The following RAPH1 variants were observed in gnomAD, a reference collection of about 807,000 sequenced individuals.
The protein encoded by RAPH1 is Ras association (RalGDS/AF-6) and pleckstrin homology domains 1, also known as ras-associated and pleckstrin homology domains-containing protein 1.
A neutral mutation model predicts 88.1 loss-of-function variants in RAPH1; 18 were observed. The ratio of observed to expected loss-of-function variants is 0.20; its 90% confidence interval spans 0.14 to 0.30. RAPH1 has a LOEUF of 0.30. Among genes scored for constraint, RAPH1 ranks in the 10% least tolerant of loss-of-function variants. RAPH1 has a pLI of 1.00. For synonymous variants in RAPH1, 587 were observed against 559.0 expected, an observed-to-expected ratio of 1.05 and a Z score of -0.71; for missense variants, 1,448 against 1,543.2, an observed-to-expected ratio of 0.94 and a Z score of 1.03.
At position 203,434,125 on chromosome 2, in the gene RAPH1, C is replaced by T. The variant is rs2098496259; in HGVS notation, c.*5312G>A. 2 of 151,734 alleles carry T rather than the reference C, an allele frequency of 1.3e-5. No individual in the cohort carries two copies. Among genetic ancestry groups the T allele is most frequent in the South Asian group, 4.2e-4 (2 of 4,800 alleles). 9.4% of individuals were successfully genotyped at this position (151,734 alleles called of 1,614,324 possible). On this transcript the variant is annotated 3_prime_UTR_variant, in exon 14 of 14. Coordinates refer to ENST00000319170, the MANE Select transcript of RAPH1 (RefSeq NM_213589.3). Reference sequence around the variant, plus strand: ...CAAGGCACATAATGAAATGAGCATACATTTATGCAGAAGAAAATAATAGCA... The same window carrying T: ...CAAGGCACATAATGAAATGAGCATATATTTATGCAGAAGAAAATAATAGCA...
chr2:203,526,706 C>CA (rs34932665), intron 1 of RAPH1, among the ~76,000 whole-genome samples: 4,622 of 80,396 alleles, frequency 0.057, 191 homozygotes, highest in African/African-American at 0.11. Context: ...AACTCTGTCT[C>CA]AAAAAAAAAA....
chr2:203,446,419 C>T (rs2098509703), intron 12 of RAPH1: 2 of 152,202 alleles, frequency 1.3e-5, no homozygotes, highest in Admixed American at 1.3e-4. Flanking sequence ...TCAGGTTTCT[C>T]CACTGTGAAG....
chr2:203,467,711 G>A (rs1353466004), intron 4 of RAPH1, among the ~76,000 whole-genome samples: 1 of 152,114 alleles, frequency 6.6e-6, no homozygotes, highest in Non-Finnish European at 1.5e-5. Flanking sequence ...TATTGATTTG[G>A]GTCCTGGAAG....
chr2:203,447,829 G>T, intron 12 of RAPH1, 130 bp downstream of exon 12: 1 of 869,720 alleles, frequency 1.1e-6, no homozygotes, highest in Non-Finnish European at 1.7e-6. Context: ...GGCATCTATT[G>T]ATTATAATTT....
Position 203,439,477 on chromosome 2 carries a change from G to T in RAPH1, c.3713C>A (p.Pro1238His). ...TLRRGPPPAP[P>H]KRDQNTKLSR... ...GAGCTTGGTGTTCTGGTCTCTTTTG[G>T]GGGGAGCAGGAGGGGGTCCTCTCCG... Residue 1238 changes from proline (P) to histidine (H), a missense_variant, in exon 14 of 14, where the codon CCC becomes CAC. By Grantham distance (77) the Pro-to-His change is moderately conservative. This residue lies in a region of RAPH1 where 935 missense variants were observed against 890.1 expected (regional missense o/e 1.05). Coordinates refer to ENST00000319170, the MANE Select transcript of RAPH1 (RefSeq NM_213589.3). The T allele has an allele frequency of 6.2e-7, 1 of 1,613,962 alleles. No homozygotes were observed. Among genetic ancestry groups the T allele is most frequent in the Non-Finnish European group, 8.5e-7 (1 of 1,180,028 alleles).
At chr2:203,473,309 A>G (rs947219878) in intron 4 of RAPH1, among the ~76,000 whole-genome samples, 4 of 152,070 alleles carry the variant, frequency 2.6e-5, no homozygotes, top group Admixed American at 6.6e-5. Flanking sequence ...TCTTCTTCCA[A>G]TTGGTACCAG....
In RAPH1 at chr2:203,460,636, C is replaced by G. The variant is rs2098523497; in HGVS notation, c.971-608G>C. On this transcript the variant is annotated intron_variant, in intron 6 of 13. Coordinates refer to ENST00000319170, the MANE Select transcript of RAPH1 (RefSeq NM_213589.3). ...ACATAATAATTTTTAGTAAATGCATCAGTCTATCCAGTTCTTATTTGAAAA... is the reference window on the plus strand; with the variant it reads ...ACATAATAATTTTTAGTAAATGCATGAGTCTATCCAGTTCTTATTTGAAAA... Among the ~76,000 whole-genome samples, 5 of 151,066 alleles carry G rather than the reference C, an allele frequency of 3.3e-5. No homozygotes were observed. In the South Asian group the frequency reaches 1.0e-3, roughly 31 times the overall value.
At chr2:203,524,912 A>G (rs1280862305) in intron 1 of RAPH1, among the ~76,000 whole-genome samples, 1 of 152,232 alleles carries the variant, frequency 6.6e-6, no homozygotes, top group Non-Finnish European at 1.5e-5. Flanking sequence ...GCAACCTAAA[A>G]GACTTCATAG....
chr2:203,448,260 T>C lies in RAPH1; in HGVS notation c.1513-181A>G, dbSNP rs2098511741. The stretch of plus-strand genomic sequence containing the variant: ...TATAATCTATTCTTATTTCTCCTCA[T>C]TTTTAGAGGGGCAGCAAGAAGTCAA... On this transcript the variant is annotated intron_variant, in intron 11 of 13. Coordinates refer to ENST00000319170, the MANE Select transcript of RAPH1 (RefSeq NM_213589.3). The surrounding 1 kb of genome is among the most constrained non-coding windows in gnomAD (Gnocchi z 4.1). 6.6e-6 allele frequency among the ~76,000 whole-genome samples: 1 copy of C among 152,214 alleles called. No homozygotes were observed. Among genetic ancestry groups the C allele is most frequent in the Non-Finnish European group, 1.5e-5 (1 of 68,032 alleles).
At chr2:203,505,921 T>C (rs1021004732) in intron 1 of RAPH1, among the ~76,000 whole-genome samples, 14 of 152,212 alleles carry the variant, frequency 9.2e-5, no homozygotes, top group African/African-American at 2.7e-4. Context: ...TATTTAGTTA[T>C]TTTTGCAGAC....
chr2:203,488,216 A>G (rs1336833087), intron 4 of RAPH1, among the ~76,000 whole-genome samples: 2 of 152,116 alleles, frequency 1.3e-5, no homozygotes, highest in Non-Finnish European at 2.9e-5. Context: ...ATCCAGTCAC[A>G]TGCTGAAAAA....
rs1491192036 is a variant in RAPH1 at position 203,434,565 on chromosome 2, G to GCAA, written c.*4869_*4871dup. 2 of 119,528 alleles carry GCAA rather than the reference G, an allele frequency of 1.7e-5. No individual in the cohort carries two copies. Among genetic ancestry groups the GCAA allele is most frequent in the African/African-American group, 4.0e-5 (1 of 24,764 alleles). The allele number at this position is 119,528 out of a possible 1,614,324, so 7.4% of individuals were successfully genotyped here. ...TCTAGAAGGGGTTATTTTACAAGTA[G>GCAA]CAAAAAAAAAAAAAAAAGTAGGAGG... On this transcript the variant is annotated 3_prime_UTR_variant, in exon 14 of 14. Coordinates refer to ENST00000319170, the MANE Select transcript of RAPH1 (RefSeq NM_213589.3).
chr2:203,515,548 T>G (rs1474604614), intron 1 of RAPH1, among the ~76,000 whole-genome samples: 1 of 152,242 alleles, frequency 6.6e-6, no homozygotes, highest in Admixed American at 6.5e-5. Context: ...TGGTATGCAT[T>G]GCCAGTTGAA....
Position 203,434,174 on chromosome 2 carries a change from ACTTCAT to A in RAPH1, c.*5257_*5262del, listed in dbSNP as rs974516020. ...CAACAAAGCTGCGAGAAAAATTGTA[ACTTCAT>A]CTTCACTGAGCTGTGCATAATCCTT... On this transcript the variant is annotated 3_prime_UTR_variant, in exon 14 of 14. Coordinates refer to ENST00000319170, the MANE Select transcript of RAPH1 (RefSeq NM_213589.3). 6.6e-6 allele frequency: 1 copy of A among 152,460 alleles called. No homozygotes were observed. The highest frequency in any genetic ancestry group is 1.5e-5 in the Non-Finnish European group (1 of 68,012). The allele number at this position is 152,460 out of a possible 1,614,324, so 9.4% of individuals were successfully genotyped here.
At chr2:203,512,778 C>T (rs1275919798) in intron 1 of RAPH1, among the ~76,000 whole-genome samples, 1 of 151,964 alleles carries the variant, frequency 6.6e-6, no homozygotes, top group Non-Finnish European at 1.5e-5. Context: ...CACATGCCAC[C>T]ATGCCTGGCT....
intron 4 of RAPH1, among the ~76,000 whole-genome samples, chr2:203,485,565 A>G (rs2251789): frequency 0.1 from 15,754 of 152,120 alleles, 1,656 homozygotes; most frequent in African/African-American, 0.27. Context: ...TTACCTGGAG[A>G]TATTCTATAT....
At chr2:203,472,267 G>A (rs937564078) in intron 4 of RAPH1, among the ~76,000 whole-genome samples, 2 of 152,140 alleles carry the variant, frequency 1.3e-5, no homozygotes, top group Admixed American at 1.3e-4. Context: ...TGAGTAGCTG[G>A]GATCACAGGC....
chr2:203,454,111 A>G (rs1364691676), intron 10 of RAPH1, among the ~76,000 whole-genome samples: 1 of 152,204 alleles, frequency 6.6e-6, no homozygotes, highest in African/African-American at 2.4e-5. Context: ...TATGACCTAC[A>G]TTCGGCTCTG....
chr2:203,457,486 A>G (rs2098520639), intron 8 of RAPH1, 44 bp downstream of exon 8: 1 of 1,517,494 alleles, frequency 6.6e-7, no homozygotes, highest in Admixed American at 1.7e-5. Flanking sequence ...GCCTGGCCTA[A>G]TATTTTAATT....
Sources: gnomAD v4.1 joint callset for allele counts (sites outside exome capture counted in the v4.1 genomes callset) on GRCh38, gnomAD v4.1.1 for gene constraint, gnomAD v4.1.1 regional missense constraint, Gnocchi (gnomAD v3.1) non-coding constraint, MANE v1.5 for transcripts, NCBI Gene and HGNC (gene_info 2026-07-23, HGNC 2026-07-21) for gene names.